BIRC2: variants seen among roughly 807,000 people sequenced by gnomAD.
The protein encoded by BIRC2 is baculoviral IAP repeat-containing protein 2.
Under a neutral mutation model 60.9 loss-of-function variants are expected in BIRC2, and 18 were observed. That is an observed-to-expected ratio of 0.30 (90% CI 0.20 to 0.44). The LOEUF is 0.44. Among genes scored for constraint, BIRC2 ranks in the 20% least tolerant of loss-of-function variants. BIRC2 has a pLI of 1.00. For missense variants in BIRC2, 701 were observed against 728.5 expected, an observed-to-expected ratio of 0.96 and a Z score of 0.43; for synonymous variants, 282 against 247.7, an observed-to-expected ratio of 1.14 and a Z score of -1.30.
rs1216650666 is a variant in BIRC2, at chr11:102,350,386, A to G, written c.532A>G (p.Ser178Gly). ...CTCTTCATCGAGGACTAACCCCTAC[A>G]GTTATGCAATGAGTACTGAAGAAGC... is the stretch of plus-strand genomic sequence containing the variant. ...DISSSRTNPY[S>G]YAMSTEEARF... is the part of the protein sequence containing the mutation. Residue 178 changes from serine (S) to glycine (G), a missense_variant, in exon 2 of 9, where the codon AGT becomes GGT. By Grantham distance (56) the Ser-to-Gly change is moderately conservative. Transcript: ENST00000227758. 19 of 1,614,202 alleles carry G rather than the reference A, an allele frequency of 1.2e-5. No homozygotes were observed. Among genetic ancestry groups the G allele is most frequent in the Middle Eastern group, 1.6e-4 (1 of 6,062 alleles).
chr11:102,353,990 C>T (rs1951392012), intron 3 of BIRC2, among the ~76,000 whole-genome samples: 1 of 152,130 alleles, frequency 6.6e-6, no homozygotes, highest in African/African-American at 2.4e-5. Context: ...CAGAAGTTGA[C>T]TCTGCAGAAC....
chr11:102,367,803 C>A (rs917200730), intron 5 of BIRC2, among the ~76,000 whole-genome samples: 1 of 152,150 alleles, frequency 6.6e-6, no homozygotes, highest in African/African-American at 2.4e-5. Flanking sequence ...TACTATACTT[C>A]CCATTTTTGT....
At position 102,350,618 on chromosome 11, in the gene BIRC2, A is replaced by G; in HGVS notation, c.764A>G (p.Glu255Gly). 6.2e-7 allele frequency: 1 copy of G among 1,614,164 alleles called. No homozygotes were observed. Among genetic ancestry groups the G allele is most frequent in the Non-Finnish European group, 8.5e-7 (1 of 1,180,036 alleles). Residue 255 changes from glutamate (E) to glycine (G), a missense_variant, in exon 2 of 9, where the codon GAA (glutamate) becomes GGA (glycine). Transcript: ENST00000227758. ...TGTCCATTTTTGGAAAATTCTCTAG[A>G]AACTCTGAGGTTTAGCATTTCAAAT... ...PNCPFLENSL[E>G]TLRFSISNLS...
At position 102,348,641 on chromosome 11, in the gene BIRC2, T is replaced by C. The variant is rs994487184; in HGVS notation, c.-1214T>C. 20 of 310,908 alleles carry C rather than the reference T, an allele frequency of 6.4e-5. No homozygotes were observed. Among genetic ancestry groups the C allele is most frequent in the African/African-American group, 4.5e-4 (20 of 44,058 alleles). The allele number at this position is 310,908 out of a possible 1,614,324, so 19.3% of individuals were successfully genotyped here. Reference sequence around the variant, plus strand: ...TCTCCCTATCCCTATTTTGTCCCCCTGCAGTAATAAATCCCATTATGGAGA... The same window carrying C: ...TCTCCCTATCCCTATTTTGTCCCCCCGCAGTAATAAATCCCATTATGGAGA... On this transcript the variant is annotated 5_prime_UTR_variant, in exon 2 of 9. Coordinates refer to ENST00000227758, the MANE Select transcript of BIRC2 (RefSeq NM_001166.5).
chr11:102,375,478 T>G (rs1034191242), intron 6 of BIRC2, among the ~76,000 whole-genome samples: 2 of 152,132 alleles, frequency 1.3e-5, no homozygotes, highest in African/African-American at 4.8e-5. Flanking sequence ...GAAACAGATT[T>G]GTGTTTAAAT....
intron 3 of BIRC2, among the ~76,000 whole-genome samples, chr11:102,352,701 G>A (rs1264206624): frequency 6.6e-6 from 1 of 152,158 alleles, no homozygotes; most frequent in African/African-American, 2.4e-5. Context: ...AAAGTGCTGG[G>A]ATTACAGGCA....
intron 6 of BIRC2, among the ~76,000 whole-genome samples, chr11:102,372,503 C>G (rs1951645578): frequency 2.6e-5 from 4 of 152,056 alleles, no homozygotes. Flanking sequence ...ATCCTGAGTT[C>G]TAGTTTGATT....
At chr11:102,369,094 T>A (rs1203933458) in intron 6 of BIRC2, among the ~76,000 whole-genome samples, 1 of 152,124 alleles carries the variant, frequency 6.6e-6, no homozygotes, top group East Asian at 1.9e-4. Context: ...TAGTATTAAG[T>A]CTCGGCCTCT....
At chr11:102,366,700 G>A (rs922739870) in intron 5 of BIRC2, among the ~76,000 whole-genome samples, 2 of 151,942 alleles carry the variant, frequency 1.3e-5, no homozygotes, top group African/African-American at 2.4e-5. Flanking sequence ...CCAAACTACC[G>A]TCATCTGTGT....
chr11:102,367,520 A>G (rs747129873), intron 5 of BIRC2, among the ~76,000 whole-genome samples: 3 of 152,204 alleles, frequency 2.0e-5, no homozygotes, highest in Non-Finnish European at 4.4e-5. Context: ...TATATTTATT[A>G]TAAGTTTCCA....
intron 5 of BIRC2, among the ~76,000 whole-genome samples, chr11:102,366,983 C>T (rs1444988954): frequency 1.3e-5 from 2 of 152,178 alleles, no homozygotes; most frequent in Non-Finnish European, 2.9e-5. Flanking sequence ...GGTTTTTACA[C>T]TTGCTGTTCT....
At chr11:102,361,182 T>G (rs1211932965) in intron 3 of BIRC2, among the ~76,000 whole-genome samples, 1 of 151,944 alleles carries the variant, frequency 6.6e-6, no homozygotes, top group East Asian at 1.9e-4. Context: ...AGGTTTGGAG[T>G]GCAAGTGTTT....
At chr11:102,357,348 CCTT>C (rs1391415159) in intron 3 of BIRC2, among the ~76,000 whole-genome samples, 1 of 151,412 alleles carries the variant, frequency 6.6e-6, no homozygotes, top group Non-Finnish European at 1.5e-5. Context: ...TCCTCCTCTT[CCTT>C]CTTCTCCTCC....
Position 102,351,614 on chromosome 11 carries a change from CAAA to C in BIRC2, c.995+692_995+694del, listed in dbSNP as rs768269523. 1.0e-4 allele frequency among the ~76,000 whole-genome samples: 7 copies of C among 68,610 alleles called. No individual in the cohort carries two copies. In the South Asian group the frequency reaches 2.2e-3, roughly 21 times the overall value. The allele number at this position is 68,610 out of a possible 152,430, so 45.0% of individuals were successfully genotyped here. A position where few individuals can be genotyped will look rare whatever the true frequency, so the allele number is the denominator to read the frequency against. ...TGGGTAACAGAGCAAGACTCTGTCTCAAAAAAAAAAAAAAAAAAAAAAAGAAAA... is the reference window on the plus strand; with the variant it reads ...TGGGTAACAGAGCAAGACTCTGTCTCAAAAAAAAAAAAAAAAAAAAGAAAA... On this transcript the variant is annotated intron_variant, in intron 3 of 8. Coordinates refer to ENST00000227758, the MANE Select transcript of BIRC2 (RefSeq NM_001166.5).
chr11:102,350,610 TTCTC>T lies in BIRC2; in HGVS notation c.758_761del (p.Ser253Ter). On this transcript the variant is annotated frameshift_variant, in exon 2 of 9. Coordinates refer to ENST00000227758, the MANE Select transcript of BIRC2 (RefSeq NM_001166.5). LOFTEE classifies it high-confidence loss of function. ...TTCCCAACTGTCCATTTTTGGAAAA[TTCTC>T]TAGAAACTCTGAGGTTTAGCATTTC... 1 of 1,614,126 alleles carries T rather than the reference TTCTC, an allele frequency of 6.2e-7. No individual in the cohort carries two copies. The highest frequency in any genetic ancestry group is 8.5e-7 in the Non-Finnish European group (1 of 1,180,012).
At chr11:102,368,718 A>C (rs1951582590) in intron 6 of BIRC2, among the ~76,000 whole-genome samples, 170 bp downstream of exon 6, 1 of 152,142 alleles carries the variant, frequency 6.6e-6, no homozygotes, top group Admixed American at 6.5e-5. Context: ...CTTCTAGTTG[A>C]GAACCATTGA....
intron 5 of BIRC2, among the ~76,000 whole-genome samples, chr11:102,364,524 G>C (rs2135815193): frequency 6.6e-6 from 1 of 152,214 alleles, no homozygotes; most frequent in East Asian, 1.9e-4. Context: ...TATAGCTTTT[G>C]ATTAGAGCTT....
rs1232933694 is a variant in BIRC2, at chr11:102,373,346, CT to C, written c.1367-4146del. ...ATGTTTAGTGCTTCCTTCCGGAGCT[CT>C]TTTAGGGCAGGCCTGGTGGTGACAA... On this transcript the variant is annotated intron_variant, in intron 6 of 8. Transcript: ENST00000227758. 2.8e-4 allele frequency among the ~76,000 whole-genome samples: 43 copies of C among 152,252 alleles called. No homozygotes were observed. In the South Asian group the frequency reaches 8.7e-3, roughly 31 times the overall value.
intron 3 of BIRC2, among the ~76,000 whole-genome samples, chr11:102,353,443 C>A (rs958598383): frequency 6.6e-6 from 1 of 151,998 alleles, no homozygotes; most frequent in Non-Finnish European, 1.5e-5. Flanking sequence ...CTCAGCCCCC[C>A]GAGTAGCTGG....
Sources: gnomAD v4.1 joint callset for allele counts (sites outside exome capture counted in the v4.1 genomes callset) on GRCh38, gnomAD v4.1.1 for gene constraint, MANE v1.5 for transcripts, NCBI Gene and HGNC (gene_info 2026-07-23, HGNC 2026-07-21) for gene names.